Variants in CLN6 observed in about 807,000 individuals in gnomAD.
The protein encoded by CLN6 is CLN6 transmembrane ER protein.
In CLN6, 22 loss-of-function variants were observed where a neutral mutation model predicts 33.3. The observed-to-expected ratio is 0.66, with a 90% CI of 0.47 to 0.94. The LOEUF (loss-of-function observed/expected upper bound fraction) is 0.94. Ranked by LOEUF, CLN6 falls within the 40% of genes least tolerant of loss-of-function variation. The pLI, the probability that CLN6 is intolerant of heterozygous loss-of-function variation, is 0.00. For synonymous variants in CLN6, 201 were observed against 174.6 expected (o/e 1.15, Z -1.19); for missense variants, 387 against 417.1 (o/e 0.93, Z 0.63).
rs1403561759 is a variant in CLN6, at chr15:68,211,441, T to C, written c.487-123A>G. On this transcript the variant is annotated intron_variant, in intron 4 of 6. Coordinates refer to ENST00000249806, the MANE Select transcript of CLN6 (RefSeq NM_017882.3). The surrounding 1 kb of genome is among the most constrained non-coding windows in gnomAD (Gnocchi z 5.9). ...GTCCCAGGCCTCCCCCACTGCCTTA[T>C]TCCCTACCCGGGGCCTCGCCTTCTG... is the stretch of plus-strand genomic sequence containing the variant. 2.0e-6 allele frequency: 3 copies of C among 1,533,808 alleles called. No individual in the cohort carries two copies. The highest frequency in any genetic ancestry group is 1.7e-5 in the Admixed American group (1 of 57,188).
Position 68,208,144 on chromosome 15 carries a change from T to C in CLN6, c.932A>G (p.His311Arg). The C allele has an allele frequency of 7.2e-7, 1 of 1,396,302 alleles. No homozygotes were observed. The allele number at this position is 1,396,302 out of a possible 1,614,324, so 86.5% of individuals were successfully genotyped here. Residue 311 changes from histidine to arginine, a missense_variant, in exon 7 of 7, where the codon CAC (histidine) becomes CGC (arginine). His to Arg is a conservative substitution (Grantham distance 29). Transcript: ENST00000249806. This position sits in a 1 kb window ranked among gnomAD's most constrained non-coding sequence, Gnocchi z 5.8. ...AFYTLHVSSR[H>R] ...CCAGAGCCTGGTGCCAGGGACTCAG[T>C]GCCGACTGCTGACGTGAAGGGTGTA...
Position 68,209,491 on chromosome 15 carries a change from T to TC in CLN6, c.665+145dup. 1.8e-6 allele frequency: 2 copies of TC among 1,137,900 alleles called. No homozygotes were observed. Among genetic ancestry groups the TC allele is most frequent in the Non-Finnish European group, 1.3e-6 (1 of 771,102 alleles). The allele number at this position is 1,137,900 out of a possible 1,614,324, so 70.5% of individuals were successfully genotyped here. The stretch of plus-strand genomic sequence containing the variant: ...AGGCCACCACAGGGCATTGTCACAG[T>TC]CCCCACTAGACACAAGAAGAAGCAC... On this transcript the variant is annotated intron_variant, in intron 6 of 6. Transcript: ENST00000249806. The surrounding 1 kb of genome is among the most constrained non-coding windows in gnomAD (Gnocchi z 4.9).
Position 68,256,574 on chromosome 15 carries a change from A to G in CLN6, c.179+116T>C, listed in dbSNP as rs1892439208. The G allele has an allele frequency of 3.7e-6, 2 of 540,186 alleles. No homozygotes were observed. Among genetic ancestry groups the G allele is most frequent in the Non-Finnish European group, 6.6e-6 (2 of 301,530 alleles). 33.5% of individuals were successfully genotyped at this position (540,186 alleles called of 1,614,324 possible). Reference sequence around the variant, plus strand: ...TTGTTATTACAATACTCTCTTTGGGATCCCCACACACGTGGCTGGCTTCAG... The same window carrying G: ...TTGTTATTACAATACTCTCTTTGGGGTCCCCACACACGTGGCTGGCTTCAG... On this transcript the variant is annotated intron_variant, in intron 1 of 6. Coordinates refer to the CLN6 transcript ENST00000538696. This position sits in a 1 kb window ranked among gnomAD's most constrained non-coding sequence, Gnocchi z 4.1.
rs940910723 is a variant in CLN6 at position 68,207,931 on chromosome 15, G to A, written c.*209C>T. 2.1e-5 allele frequency: 13 copies of A among 605,760 alleles called. No individual in the cohort carries two copies. Among genetic ancestry groups the A allele is most frequent in the Non-Finnish European group, 2.6e-5 (9 of 342,566 alleles). The allele number at this position is 605,760 out of a possible 1,614,324, so 37.5% of individuals were successfully genotyped here. A position where few individuals can be genotyped will look rare whatever the true frequency, so the allele number is the denominator to read the frequency against. On this transcript the variant is annotated 3_prime_UTR_variant, in exon 7 of 7. Coordinates refer to ENST00000249806, the MANE Select transcript of CLN6 (RefSeq NM_017882.3). The stretch of plus-strand genomic sequence containing the variant: ...GATCCAAATCAAACAGAAACTTGAC[G>A]GAAATAGTAGAGTCTGAAAATGATG...
chr15:68,238,296 C>T (rs1390819004), intron 1 of CLN6, among the ~76,000 whole-genome samples: 5 of 151,606 alleles, frequency 3.3e-5, no homozygotes, highest in African/African-American at 7.3e-5. Flanking sequence ...CCCAGCTACT[C>T]GGGAGGCTGA....
chr15:68,224,618 CAAAAA>C (rs57397347), intron 1 of CLN6, among the ~76,000 whole-genome samples: 24 of 104,310 alleles, frequency 2.3e-4, no homozygotes, highest in African/African-American at 9.3e-4. Flanking sequence ...GACTCTGTCT[CAAAAA>C]AAAAAAAAAA....
In CLN6 at chr15:68,241,991, A is replaced by G. The variant is rs1892283634; in HGVS notation, c.179+14699T>C. 6.6e-6 allele frequency among the ~76,000 whole-genome samples: 1 copy of G among 152,244 alleles called. No individual in the cohort carries two copies. On this transcript the variant is annotated intron_variant, in intron 1 of 6. Transcript: ENST00000538696. The surrounding 1 kb of genome is among the most constrained non-coding windows in gnomAD (Gnocchi z 4.2). ...AAAAGCAAAACAGGCCACACAGAGA[A>G]GACTAGAATAAATAAATAATCCTTC... is the stretch of plus-strand genomic sequence containing the variant.
rs1472799061 is a variant in CLN6 at position 68,246,012 on chromosome 15, G to T, written c.179+10678C>A. On this transcript the variant is annotated intron_variant, in intron 1 of 6. Coordinates refer to the CLN6 transcript ENST00000538696. This position sits in a 1 kb window ranked among gnomAD's most constrained non-coding sequence, Gnocchi z 4.5. ...GATAAAGGGGTCAGTTTAGCAAGAG[G>T]ATATAACAATTATAAGTATCTATGC... Among the ~76,000 whole-genome samples the T allele has an allele frequency of 1.3e-5, 2 of 152,114 alleles. No homozygotes were observed. The highest frequency in any genetic ancestry group is 2.4e-5 in the African/African-American group (1 of 41,394).
intron 3 of CLN6, chr15:68,214,060 G>A (rs1398860105): frequency 1.6e-5 from 8 of 491,922 alleles, no homozygotes; most frequent in East Asian, 7.3e-5. Context: ...GCCAGGCTGA[G>A]GCTCAAATCA....
At chr15:68,255,701 G>T (rs1892427525) in intron 1 of CLN6, among the ~76,000 whole-genome samples, 2 of 152,238 alleles carry the variant, frequency 1.3e-5, no homozygotes, top group South Asian at 4.2e-4. Flanking sequence ...AATAAAGCTG[G>T]ATACAGTTTG....
chr15:68,232,220 C>T (rs897025137), upstream of CLN6, among the ~76,000 whole-genome samples: 3 of 150,866 alleles, frequency 2.0e-5, no homozygotes, highest in Middle Eastern at 3.4e-3. This position sits in a 1 kb window ranked among gnomAD's most constrained non-coding sequence, Gnocchi z 4.7. Context: ...TGCAATGGCA[C>T]GATCTCGGCT....
chr15:68,214,583 TGAGTCCCAGAGGAGGTAACG>T (rs2093215560), intron 2 of CLN6, 195 bp from the exon 3 acceptor site: 2 of 575,540 alleles, frequency 3.5e-6, no homozygotes, highest in East Asian at 6.3e-5. Flanking sequence ...ACAGGAAAGC[TGAGTCCCAGAGGAGGTAACG>T]GACTTGTCCC....
At position 68,209,485 on chromosome 15, in the gene CLN6, T is replaced by C; in HGVS notation, c.665+152A>G. ...ACAAAGAGGCCACCACAGGGCATTGTCACAGTCCCCACTAGACACAAGAAG... is the reference window on the plus strand; with the variant it reads ...ACAAAGAGGCCACCACAGGGCATTGCCACAGTCCCCACTAGACACAAGAAG... On this transcript the variant is annotated intron_variant, in intron 6 of 6. Coordinates refer to ENST00000249806, the MANE Select transcript of CLN6 (RefSeq NM_017882.3). This position sits in a 1 kb window ranked among gnomAD's most constrained non-coding sequence, Gnocchi z 4.9. The C allele has an allele frequency of 9.0e-7, 1 of 1,113,052 alleles. No homozygotes were observed. Among genetic ancestry groups the C allele is most frequent in the Non-Finnish European group, 1.3e-6 (1 of 751,184 alleles). The allele number at this position is 1,113,052 out of a possible 1,614,324, so 68.9% of individuals were successfully genotyped here.
At position 68,256,117 on chromosome 15, in the gene CLN6, A is replaced by T. The variant is rs905302347; in HGVS notation, c.179+573T>A. Among the ~76,000 whole-genome samples, 4 of 151,246 alleles carry T rather than the reference A, an allele frequency of 2.6e-5. No homozygotes were observed. Among genetic ancestry groups the T allele is most frequent in the African/African-American group, 7.3e-5 (3 of 41,112 alleles). ...CCCCTCTTTTTATTTTATTATTATT[A>T]TTTTTTTGAGACGGAGTCTTGCTCT... On this transcript the variant is annotated intron_variant, in intron 1 of 6. Transcript: ENST00000538696. This position sits in a 1 kb window ranked among gnomAD's most constrained non-coding sequence, Gnocchi z 4.1.
rs960434892 is a variant in CLN6 at position 68,221,570 on chromosome 15, C to T, written c.84-2920G>A. On this transcript the variant is annotated intron_variant, in intron 1 of 6. Coordinates refer to ENST00000249806, the MANE Select transcript of CLN6 (RefSeq NM_017882.3). ...AGGCTGGAGTGCAGTGGCGTGATCT[C>T]GGCTCGCTACAACCTCCACCTCCCA... 1.4e-4 allele frequency among the ~76,000 whole-genome samples: 22 copies of T among 152,256 alleles called. 1 individual carries two copies. The highest frequency in any genetic ancestry group is 4.1e-4 in the South Asian group (2 of 4,820).
chr15:68,233,848 C>T (rs1892190272), upstream of CLN6, among the ~76,000 whole-genome samples: 1 of 152,164 alleles, frequency 6.6e-6, no homozygotes, highest in African/African-American at 2.4e-5. This position sits in a 1 kb window ranked among gnomAD's most constrained non-coding sequence, Gnocchi z 4.3. Flanking sequence ...GGGACTGGGG[C>T]ACTGGGGGAA....
At chr15:68,229,985 G>A (rs541664070), upstream of CLN6, among the ~76,000 whole-genome samples, 1 of 152,202 alleles carries the variant, frequency 6.6e-6, no homozygotes. Context: ...GGGCTGGGGC[G>A]GGGTAGCGAC....
chr15:68,250,624 CAAAAA>C (rs57895966), intron 1 of CLN6, among the ~76,000 whole-genome samples: 1 of 61,652 alleles, frequency 1.6e-5, no homozygotes, highest in Non-Finnish European at 3.8e-5. Context: ...GACTCTGTCT[CAAAAA>C]AAAAAAAAAA....
chr15:68,225,418 C>G (rs1223450331), intron 1 of CLN6, among the ~76,000 whole-genome samples: 1 of 152,134 alleles, frequency 6.6e-6, no homozygotes, highest in Non-Finnish European at 1.5e-5. Flanking sequence ...AACATGAAAA[C>G]AGAGGACAGA....
Sources: allele counts gnomAD v4.1 joint callset (sites outside exome capture counted in the v4.1 genomes callset), GRCh38; gene constraint gnomAD v4.1.1; non-coding constraint Gnocchi (gnomAD v3.1); transcripts MANE v1.5; gene names NCBI Gene and HGNC (gene_info 2026-07-23, HGNC 2026-07-21).